The following CCDC171 variants were observed in gnomAD, a reference collection of about 807,000 sequenced individuals.
CCDC171 encodes the protein coiled-coil domain-containing protein 171.
A neutral mutation model predicts 168.2 loss-of-function variants in CCDC171; 177 were observed. The observed-to-expected ratio is 1.05, with a 90% confidence interval of 0.93 to 1.19. CCDC171 has a LOEUF of 1.19. CCDC171 is among the 50% of genes most tolerant of loss of function. The pLI, the probability that CCDC171 is intolerant of heterozygous loss-of-function variation, is 0.00. For synonymous variants in CCDC171, 687 were observed against 540.8 expected, an observed-to-expected ratio of 1.27 and a Z score of -3.75; for missense variants, 1,991 against 1,539.0, an observed-to-expected ratio of 1.29 and a Z score of -4.91.
At chr9:15,975,518 A>T (rs529257962), downstream of CCDC171, among the ~76,000 whole-genome samples, 47 of 152,310 alleles carry the variant, frequency 3.1e-4, no homozygotes, top group African/African-American at 1.1e-3. Context: ...AGTAACTGTG[A>T]AGTTGGTGTC....
intron 23 of CCDC171, among the ~76,000 whole-genome samples, chr9:15,865,371 A>G (rs929077583): frequency 6.9e-5 from 8 of 116,252 alleles, no homozygotes; most frequent in African/African-American, 2.1e-4. Flanking sequence ...ATATATATGT[A>G]TATTTGTCAT....
chr9:16,047,038 A>C (rs539062919), intron 1 of CCDC171, among the ~76,000 whole-genome samples: 1 of 152,286 alleles, frequency 6.6e-6, no homozygotes, highest in South Asian at 2.1e-4. Flanking sequence ...TAAGGACTGC[A>C]TCCTTGGCCT....
chr9:15,736,677 CTTT>C (rs2054518000), intron 16 of CCDC171, among the ~76,000 whole-genome samples: 1 of 151,358 alleles, frequency 6.6e-6, no homozygotes, highest in Non-Finnish European at 1.5e-5. Context: ...TTCTTTCTTT[CTTT>C]CTTTCTTTCT....
At position 15,971,668 on chromosome 9, in the gene CCDC171, C is replaced by G; in HGVS notation, c.3813C>G (p.Asp1271Glu). Residue 1271 changes from aspartate (D) to glutamate (E), a missense_variant, in exon 26 of 26, where the codon GAC becomes GAG. Physicochemically the swap from Asp to Glu is conservative, Grantham distance 45 (BLOSUM62 2). Transcript: ENST00000380701. ...CTTCAAGAGCTCCTCTTCCTGCTGA[C>G]ACAACTGGTATTGGGGATTTCTTAC... ...SIPSRAPLPA[D>E]TTGIGDFLPL... is the part of the protein sequence containing the mutation. 1.2e-6 allele frequency: 2 copies of G among 1,613,862 alleles called. No individual in the cohort carries two copies. Among genetic ancestry groups the G allele is most frequent in the Non-Finnish European group, 1.7e-6 (2 of 1,179,862 alleles).
At chr9:15,590,022 C>T (rs2041866701) in intron 4 of CCDC171, among the ~76,000 whole-genome samples, 1 of 152,172 alleles carries the variant, frequency 6.6e-6, no homozygotes, top group African/African-American at 2.4e-5. Flanking sequence ...AGTAGACCTA[C>T]TGCAGGCATA....
intron 25 of CCDC171, among the ~76,000 whole-genome samples, chr9:15,929,806 T>C (rs1826293857): frequency 6.6e-6 from 1 of 151,802 alleles, no homozygotes; most frequent in Non-Finnish European, 1.5e-5. Flanking sequence ...TTTCAAACTT[T>C]TAAAGATTTC....
At chr9:15,602,319 G>A (rs565413610) in intron 6 of CCDC171, among the ~76,000 whole-genome samples, 2 of 144,832 alleles carry the variant, frequency 1.4e-5, no homozygotes, top group African/African-American at 2.4e-5. Context: ...ACTATAATTA[G>A]GTGTTAGTAT....
In CCDC171 at chr9:15,558,424, C is replaced by G. The variant is rs1324296540; in HGVS notation, c.-112+5122C>G. Among the ~76,000 whole-genome samples the G allele has an allele frequency of 1.3e-5, 2 of 152,088 alleles. 1 individual carries two copies. The highest frequency in any genetic ancestry group is 2.9e-5 in the Non-Finnish European group (2 of 68,002). ...CTCAATTTCAGAACCTGTTATTGGT[C>G]TTTTCAGGGATTCAACTTCTTCCTG... On this transcript the variant is annotated intron_variant, in intron 1 of 25. Coordinates refer to ENST00000380701, the MANE Select transcript of CCDC171 (RefSeq NM_173550.4).
At chr9:15,903,206 G>C (rs1821968399) in intron 24 of CCDC171, among the ~76,000 whole-genome samples, 2 of 152,214 alleles carry the variant, frequency 1.3e-5, no homozygotes, top group African/African-American at 2.4e-5. Flanking sequence ...CACGGAGTTT[G>C]AGATCTGAGA....
At position 15,563,988 on chromosome 9, in the gene CCDC171, A is replaced by G. The variant is rs765252866; in HGVS notation, c.-101A>G. 1.2e-6 allele frequency: 1 copy of G among 843,266 alleles called. No homozygotes were observed. Among genetic ancestry groups the G allele is most frequent in the Non-Finnish European group, 2.0e-6 (1 of 504,210 alleles). The allele number at this position is 843,266 out of a possible 1,614,324, so 52.2% of individuals were successfully genotyped here. A position where few individuals can be genotyped will look rare whatever the true frequency, so the allele number is the denominator to read the frequency against. On this transcript the variant is annotated 5_prime_UTR_variant, in exon 2 of 26. Coordinates refer to ENST00000380701, the MANE Select transcript of CCDC171 (RefSeq NM_173550.4). Reference sequence around the variant, plus strand: ...TTACTATTTTAACAGACCTCAAATCATCTAACGTGAAGCCACAGACATCTT... The same window carrying G: ...TTACTATTTTAACAGACCTCAAATCGTCTAACGTGAAGCCACAGACATCTT...
At chr9:16,105,646 A>G in the CCDC171 span, among the ~76,000 whole-genome samples, 2 of 152,144 alleles carry the variant, frequency 1.3e-5, no homozygotes, top group Non-Finnish European at 2.9e-5. Context: ...ATAGAAAACC[A>G]TTCTGTAAAG....
chr9:15,623,229 T>C, intron 6 of CCDC171, 38 bp from the exon 7 acceptor site: 4 of 1,510,300 alleles, frequency 2.6e-6, no homozygotes, highest in South Asian at 1.4e-5. Flanking sequence ...ATTGATGGCT[T>C]ATAAACTTTA....
At chr9:15,607,271 T>C (rs946494776) in intron 6 of CCDC171, among the ~76,000 whole-genome samples, 1 of 152,184 alleles carries the variant, frequency 6.6e-6, no homozygotes, top group African/African-American at 2.4e-5. Flanking sequence ...TGTTATATCA[T>C]TGAAGACAAT....
chr9:15,732,652 G>A (rs2054223830), intron 16 of CCDC171, among the ~76,000 whole-genome samples: 1 of 152,052 alleles, frequency 6.6e-6, no homozygotes, highest in Non-Finnish European at 1.5e-5. Context: ...GCTGAATAAT[G>A]TCCCATTGTA....
intron 10 of CCDC171, among the ~76,000 whole-genome samples, chr9:15,689,444 C>T (rs977344505): frequency 2.6e-5 from 4 of 152,296 alleles, no homozygotes; most frequent in South Asian, 2.1e-4. Context: ...AGCACAGTGG[C>T]TCATGCCTGT....
intron 21 of CCDC171, among the ~76,000 whole-genome samples, chr9:15,797,128 T>A (rs926989937): frequency 6.6e-6 from 1 of 152,264 alleles, no homozygotes; most frequent in African/African-American, 2.4e-5. Context: ...ATTTACCTGA[T>A]GATTAATTAT....
chr9:15,864,245 T>C (rs2061676745), intron 23 of CCDC171, among the ~76,000 whole-genome samples: 2 of 152,070 alleles, frequency 1.3e-5, no homozygotes, highest in African/African-American at 4.8e-5. Flanking sequence ...TCTAAAAGCA[T>C]ATACTTTTGT....
Position 15,591,385 on chromosome 9 carries a change from A to G in CCDC171, c.372A>G (p.Gln124=), listed in dbSNP as rs754048530. The change falls in exon 5 of 26, where the codon CAA becomes CAG. Residue 124 remains glutamine, a synonymous_variant. Coordinates refer to ENST00000380701, the MANE Select transcript of CCDC171 (RefSeq NM_173550.4). ...TAATAGCACAGAATTCAGAACTTCA[A>G]GCAAAGACAAATGAGACTGAGAAAG... ...EKLCAQNSEL[Q]AKTNETEKAF... 1.2e-6 allele frequency: 2 copies of G among 1,602,146 alleles called. No individual in the cohort carries two copies. Among genetic ancestry groups the G allele is most frequent in the Admixed American group, 3.5e-5 (2 of 57,404 alleles).
At chr9:15,907,016 C>G (rs1410400981) in intron 24 of CCDC171, among the ~76,000 whole-genome samples, 1 of 152,036 alleles carries the variant, frequency 6.6e-6, no homozygotes, top group Non-Finnish European at 1.5e-5. Context: ...AGGATACAAG[C>G]AAATGGAAGA....
Sources: allele counts gnomAD v4.1 joint callset (sites outside exome capture counted in the v4.1 genomes callset), GRCh38; gene constraint gnomAD v4.1.1; transcripts MANE v1.5; gene names NCBI Gene and HGNC (gene_info 2026-07-23, HGNC 2026-07-21).